Variants in RTL4 observed in about 807,000 individuals in gnomAD.
RTL4 encodes the protein retrotransposon Gag like 4, also known as retrotransposon Gag-like protein 4.
A neutral mutation model predicts 5.3 loss-of-function variants in RTL4; 4 were observed. That is an observed-to-expected ratio of 0.75 (90% confidence interval 0.37 to 1.72). The LOEUF is 1.72. Ranked by LOEUF, RTL4 falls within the 40% of genes most tolerant of loss-of-function variation. RTL4 has a pLI of 0.04. For missense variants in RTL4, 260 were observed against 227.1 expected (o/e 1.14, Z -0.93); for synonymous variants, 98 against 87.3 (o/e 1.12, Z -0.68).
chrX:112,410,805 T>C, the RTL4 span, among the ~76,000 whole-genome samples: 1 of 111,495 alleles, frequency 9.0e-6, no homozygotes, highest in Non-Finnish European at 1.9e-5. Flanking sequence ...ATAAACAACA[T>C]AATGATGTAT....
At chrX:112,127,524 G>T in the RTL4 span, among the ~76,000 whole-genome samples, 1 of 111,857 alleles carries the variant, frequency 8.9e-6, no homozygotes, top group Non-Finnish European at 1.9e-5. Flanking sequence ...AGTAACGGGG[G>T]TGTTTGCTGT....
the RTL4 span, among the ~76,000 whole-genome samples, chrX:112,286,660 C>T: frequency 9.0e-6 from 1 of 111,214 alleles, no homozygotes; most frequent in Non-Finnish European, 1.9e-5. Flanking sequence ...GCACCACTAC[C>T]ATCCATCCAA....
the RTL4 span, among the ~76,000 whole-genome samples, chrX:112,120,518 T>C: frequency 4.8e-4 from 53 of 109,829 alleles, no homozygotes; most frequent in Non-Finnish European, 8.3e-4. Flanking sequence ...CCTCGTGATC[T>C]GCCCACCTTG....
chrX:112,090,773 G>A, the RTL4 span, among the ~76,000 whole-genome samples: 2 of 110,657 alleles, frequency 1.8e-5, no homozygotes, highest in East Asian at 5.7e-4. Flanking sequence ...GGAGGAGTTA[G>A]GAAGTATCCT....
At chrX:112,450,954 C>T (rs1413262771), upstream of RTL4, among the ~76,000 whole-genome samples, 1 of 111,750 alleles carries the variant, frequency 8.9e-6, no homozygotes, top group African/African-American at 3.3e-5. Context: ...CATTTGACAG[C>T]AAAACTTGAC....
the RTL4 span, among the ~76,000 whole-genome samples, chrX:112,175,096 T>G: frequency 9.5e-5 from 10 of 105,804 alleles, no homozygotes; most frequent in Non-Finnish European, 1.9e-4. Context: ...AGATCCCATT[T>G]GTCAATTTTG....
chrX:112,354,164 C>G, the RTL4 span, among the ~76,000 whole-genome samples: 2 of 110,959 alleles, frequency 1.8e-5, no homozygotes, highest in African/African-American at 6.6e-5. Flanking sequence ...AAGCATTGGC[C>G]CCTTGAGGGG....
the RTL4 span, among the ~76,000 whole-genome samples, chrX:112,249,919 T>A: frequency 1.8e-5 from 2 of 110,074 alleles, no homozygotes; most frequent in African/African-American, 6.6e-5. Flanking sequence ...AAAAAAAATA[T>A]TCAGAGTCAA....
At chrX:112,193,594 A>C in the RTL4 span, among the ~76,000 whole-genome samples, 1 of 111,224 alleles carries the variant, frequency 9.0e-6, no homozygotes, top group African/African-American at 3.3e-5. Context: ...CAAATGTATA[A>C]ATTCATGTCT....
chrX:112,220,319 T>C, the RTL4 span, among the ~76,000 whole-genome samples: 2 of 112,860 alleles, frequency 1.8e-5, no homozygotes. Flanking sequence ...TCCACTCAAA[T>C]TGAGTCAAAG....
chrX:112,360,696 A>C, the RTL4 span, among the ~76,000 whole-genome samples: 1 of 110,193 alleles, frequency 9.1e-6, no homozygotes, highest in South Asian at 3.8e-4. Flanking sequence ...CACCATTTTT[A>C]TTTGGCCTCT....
At chrX:112,170,632 G>C in the RTL4 span, among the ~76,000 whole-genome samples, 1 of 111,851 alleles carries the variant, frequency 8.9e-6, no homozygotes, top group Non-Finnish European at 1.9e-5. Context: ...TTGCTTATCA[G>C]CTTAAGATTT....
the RTL4 span, among the ~76,000 whole-genome samples, chrX:112,095,401 T>C: frequency 8.9e-6 from 1 of 111,833 alleles, no homozygotes; most frequent in African/African-American, 3.2e-5. Flanking sequence ...AGGTTGGTGG[T>C]TCTTCTGACA....
At chrX:112,269,171 T>C in the RTL4 span, among the ~76,000 whole-genome samples, 1 of 112,271 alleles carries the variant, frequency 8.9e-6, no homozygotes, top group African/African-American at 3.2e-5. Context: ...CTGGCATAAG[T>C]ATAAAATCTA....
At chrX:112,314,958 C>T in the RTL4 span, among the ~76,000 whole-genome samples, 1 of 111,521 alleles carries the variant, frequency 9.0e-6, no homozygotes, top group East Asian at 2.8e-4. Flanking sequence ...TTAAAATATT[C>T]CTTCATATTG....
chrX:112,244,848 G>A, the RTL4 span, among the ~76,000 whole-genome samples: 34 of 111,429 alleles, frequency 3.1e-4, 2 homozygotes, highest in African/African-American at 9.1e-4. Context: ...GTTTCTTTCC[G>A]TGTTTAGTGC....
the RTL4 span, among the ~76,000 whole-genome samples, chrX:112,327,593 T>G: frequency 2.7e-5 from 3 of 109,278 alleles, no homozygotes; most frequent in African/African-American, 1.0e-4. Flanking sequence ...CAGGATATTA[T>G]CCAGGAGAAC....
At chrX:112,161,888 CT>C in the RTL4 span, among the ~76,000 whole-genome samples, 28 of 29,346 alleles carry the variant, frequency 9.5e-4, no homozygotes, top group East Asian at 5.4e-3. Flanking sequence ...TTTCTTCTTT[CT>C]TTCTTCTTTT....
At chrX:112,140,042 C>T in the RTL4 span, among the ~76,000 whole-genome samples, 1 of 112,130 alleles carries the variant, frequency 8.9e-6, no homozygotes, top group Non-Finnish European at 1.9e-5. Context: ...TTGGCTTTGT[C>T]TTTATCAGCA....
Sources: gnomAD v4.1 joint callset for allele counts (sites outside exome capture counted in the v4.1 genomes callset) on GRCh38, gnomAD v4.1.1 for gene constraint, MANE v1.5 for transcripts, NCBI Gene and HGNC (gene_info 2026-07-23, HGNC 2026-07-21) for gene names.